CDH26: variants seen among roughly 807,000 people sequenced by gnomAD.
CDH26 encodes the protein cadherin 26, also known as cadherin-like protein 26.
Under a neutral mutation model 90.3 loss-of-function variants are expected in CDH26, and 83 were observed. That is an observed-to-expected ratio of 0.92 (90% CI 0.77 to 1.10). The LOEUF is 1.10. Ranked by LOEUF, CDH26 falls within the 50% of genes least tolerant of loss-of-function variation. The pLI, the probability that CDH26 is intolerant of heterozygous loss-of-function variation, is 0.00. For synonymous variants in CDH26, 397 were observed against 396.3 expected, an observed-to-expected ratio of 1.00 and a Z score of -0.02; for missense variants, 1,013 against 1,037.6, an observed-to-expected ratio of 0.98 and a Z score of 0.33.
chr20:60,004,546 C>G (rs2061718838), intron 16 of CDH26, among the ~76,000 whole-genome samples: 1 of 152,008 alleles, frequency 6.6e-6, no homozygotes, highest in African/African-American at 2.4e-5. Context: ...GCAGGCGTAT[C>G]ACGAGATCAG....
At position 59,985,033 on chromosome 20, in the gene CDH26, C is replaced by A; in HGVS notation, c.741C>A (p.Ala247=). Reference sequence around the variant, plus strand: ...CTCAGTTTACACTGCTAATCAGAGCCAGGGACTGTGGAGAACCGTCACTGT... The same window carrying A: ...CTCAGTTTACACTGCTAATCAGAGCAAGGGACTGTGGAGAACCGTCACTGT... ...TAPQFTLLIR[A]RDCGEPSLSS... Residue 247 remains alanine (A), a synonymous_variant, in exon 7 of 18, where the codon GCC becomes GCA. Transcript: ENST00000348616. 3 of 1,614,070 alleles carry A rather than the reference C, an allele frequency of 1.9e-6. No homozygotes were observed. Among genetic ancestry groups the A allele is most frequent in the South Asian group, 1.1e-5 (1 of 91,068 alleles).
rs1215032807 is a variant in CDH26 at position 60,030,967 on chromosome 20, A to T, written c.948-264A>T. On this transcript the variant is annotated intron_variant, in intron 7 of 8. Coordinates refer to the CDH26 transcript ENST00000370991. The surrounding 1 kb of genome is among the most constrained non-coding windows in gnomAD (Gnocchi z 4.0). ...AGCAAGTTTATTAAGAAGGTAAAGG[A>T]ATAAAAGAATGGCTACTCCATAGAC... Among the ~76,000 whole-genome samples the T allele has an allele frequency of 6.6e-6, 1 of 152,242 alleles. No individual in the cohort carries two copies. Among genetic ancestry groups the T allele is most frequent in the East Asian group, 1.9e-4 (1 of 5,202 alleles).
chr20:59,994,179 G>A (rs2061561943), intron 10 of CDH26, 71 bp from the exon 11 acceptor site: 15 of 1,576,646 alleles, frequency 9.5e-6, no homozygotes, highest in South Asian at 2.3e-5. Context: ...TCTGAGAGAC[G>A]GAGAGTGCTC....
chr20:59,961,420 T>C (rs1025035977), intron 1 of CDH26, among the ~76,000 whole-genome samples: 6 of 152,146 alleles, frequency 3.9e-5, no homozygotes, highest in Admixed American at 6.5e-5. Flanking sequence ...TGTAAGAAGT[T>C]TTTAGCAATC....
chr20:60,001,064 G>T (rs2061670055), intron 14 of CDH26, among the ~76,000 whole-genome samples: 1 of 152,144 alleles, frequency 6.6e-6, no homozygotes, highest in Non-Finnish European at 1.5e-5. Context: ...TGTCTATGCA[G>T]TTTTCAGGTG....
Position 60,032,603 on chromosome 20 carries a change from A to G in CDH26, c.1144-883A>G, listed in dbSNP as rs375548040. The stretch of plus-strand genomic sequence containing the variant: ...GCAAAGACTTGGAACCAACCCAAAT[A>G]TCCAACAATGATAGACTGGATTAAG... On this transcript the variant is annotated intron_variant, in intron 8 of 8. Transcript: ENST00000370991. 1.3e-3 allele frequency among the ~76,000 whole-genome samples: 205 copies of G among 152,152 alleles called. 1 individual carries two copies. The East Asian group carries it at 0.033, about 24-fold the overall frequency.
chr20:59,968,711 A>G (rs2061210321), intron 1 of CDH26, among the ~76,000 whole-genome samples: 1 of 152,198 alleles, frequency 6.6e-6, no homozygotes, highest in African/African-American at 2.4e-5. Context: ...TAACAGTAGT[A>G]TTTTATGATT....
At chr20:59,966,231 TAAAAAAAAAA>T (rs60088029) in intron 1 of CDH26, among the ~76,000 whole-genome samples, 3 of 76,266 alleles carry the variant, frequency 3.9e-5, no homozygotes, top group Admixed American at 2.8e-4. Context: ...GGTGTTGCAT[TAAAAAAAAAA>T]AAAAAAAAAA....
At chr20:59,998,851 A>G (rs1217333044) in intron 13 of CDH26, among the ~76,000 whole-genome samples, 1 of 152,234 alleles carries the variant, frequency 6.6e-6, no homozygotes, top group Non-Finnish European at 1.5e-5. Flanking sequence ...GGCCGCCAAT[A>G]TTAGCATTAT....
intron 14 of CDH26, among the ~76,000 whole-genome samples, 197 bp downstream of exon 14, chr20:59,999,860 T>C (rs1459467155): frequency 6.6e-6 from 1 of 152,226 alleles, no homozygotes; most frequent in African/African-American, 2.4e-5. Context: ...GTGGCCAAGT[T>C]CTTTCTACTT....
downstream of CDH26, among the ~76,000 whole-genome samples, chr20:60,016,742 T>C (rs1485822539): frequency 1.3e-5 from 2 of 152,106 alleles, no homozygotes. Flanking sequence ...TGATGTTAGC[T>C]GTGGGTGTGT....
At chr20:59,989,328 A>T (rs1346480567) in intron 9 of CDH26, among the ~76,000 whole-genome samples, 165 bp downstream of exon 9, 1 of 151,882 alleles carries the variant, frequency 6.6e-6, no homozygotes, top group Non-Finnish European at 1.5e-5. Flanking sequence ...AGAGATCGAG[A>T]CCATCCTGGC....
downstream of CDH26, among the ~76,000 whole-genome samples, chr20:60,016,911 A>G (rs1466934974): frequency 6.6e-6 from 1 of 152,078 alleles, no homozygotes. Context: ...GATGTGATGT[A>G]TCATGTGTAC....
At chr20:60,004,765 CAAAAAAAA>C (rs140015980) in intron 16 of CDH26, among the ~76,000 whole-genome samples, 1 of 48,132 alleles carries the variant, frequency 2.1e-5, no homozygotes, top group Non-Finnish European at 5.5e-5. Flanking sequence ...GACTCCATCT[CAAAAAAAA>C]AAAAAAAAAA....
At chr20:59,985,746 CA>C (rs1766471924) in intron 7 of CDH26, among the ~76,000 whole-genome samples, 1 of 152,222 alleles carries the variant, frequency 6.6e-6, no homozygotes, top group African/African-American at 2.4e-5. Context: ...GACATAGAAG[CA>C]GTTCATAATG....
chr20:59,985,277 G>A, intron 7 of CDH26, 148 bp downstream of exon 7: 2 of 1,011,816 alleles, frequency 2.0e-6, no homozygotes, highest in East Asian at 2.9e-5. Context: ...AAGAAAAGAG[G>A]TTTAATTGGC....
chr20:60,012,608 G>A lies in CDH26; in HGVS notation c.2377G>A (p.Ala793Thr). Residue 793 changes from alanine to threonine, a missense_variant, in exon 18 of 18, where the codon GCC becomes ACC. Physicochemically the swap from Ala to Thr is moderately conservative, Grantham distance 58 (BLOSUM62 0). Transcript: ENST00000348616. The part of the protein sequence containing the change: ...VYSEEGECGG[A>T]PSLSSLASLE... ...CAGCGAGGAAGGGGAGTGTGGAGGG[G>A]CCCCATCCCTCAGCTCTCTGGCCAG... 1 of 1,613,442 alleles carries A rather than the reference G, an allele frequency of 6.2e-7. No homozygotes were observed. The highest frequency in any genetic ancestry group is 8.5e-7 in the Non-Finnish European group (1 of 1,179,756).
chr20:59,968,940 C>G (rs1307959352), intron 1 of CDH26, 27 bp from the exon 2 acceptor site: 2 of 1,254,150 alleles, frequency 1.6e-6, no homozygotes, highest in East Asian at 2.4e-5. Context: ...ATATTCTCTA[C>G]TAATTAATAT....
chr20:60,005,845 G>A (rs195003), intron 16 of CDH26, among the ~76,000 whole-genome samples: 12 of 152,058 alleles, frequency 7.9e-5, no homozygotes, highest in African/African-American at 7.2e-5. Context: ...CTTTGCTCAC[G>A]TATGGCTTCA....
Sources: allele counts gnomAD v4.1 joint callset (sites outside exome capture counted in the v4.1 genomes callset), GRCh38; gene constraint gnomAD v4.1.1; non-coding constraint Gnocchi (gnomAD v3.1); transcripts MANE v1.5; gene names NCBI Gene and HGNC (gene_info 2026-07-23, HGNC 2026-07-21).